Variants in RPS4X observed in about 807,000 individuals in gnomAD.
RPS4X encodes the protein small ribosomal subunit protein eS4, X isoform.
For synonymous variants in RPS4X, 76 were observed against 76.8 expected, an observed-to-expected ratio of 0.99 and a Z score of 0.06; for missense variants, 90 against 219.1, an observed-to-expected ratio of 0.41 and a Z score of 3.72.
At chrX:72,273,689 C>T (rs763165593) in intron 5 of RPS4X, 112 bp downstream of exon 5, 35 of 630,459 alleles carry the variant, frequency 5.6e-5, no homozygotes, top group Non-Finnish European at 8.3e-5. Context: ...TGGCTATAAA[C>T]ACACCTGGGC....
chrX:72,273,277 G>C lies in RPS4X; in HGVS notation c.645C>G (p.Gly215=), dbSNP rs1056866572. The stretch of plus-strand genomic sequence containing the variant: ...TGGAAAGTCGAGTGGCAAAGCTGTT[G>C]CCATTGGCATCTTTCACGTGAACCA... The part of the protein sequence containing the change: ...FDVVHVKDAN[G]NSFATRLSNI... Residue 215 remains glycine, a synonymous_variant, in exon 6 of 7, where the codon GGC becomes GGG. Coordinates refer to ENST00000316084, the MANE Select transcript of RPS4X (RefSeq NM_001007.5). 10 of 1,209,087 alleles carry C rather than the reference G, an allele frequency of 8.3e-6. No homozygotes were observed. Among genetic ancestry groups the C allele is most frequent in the Non-Finnish European group, 1.0e-5 (9 of 894,744 alleles).
At position 72,277,115 on chromosome X, in the gene RPS4X, C is replaced by G. The variant is rs185332881; in HGVS notation, c.3+78G>C. 2,116 of 1,147,081 alleles carry G rather than the reference C, an allele frequency of 1.8e-3. 34 individuals are homozygous for G. The African/African-American group carries it at 0.034, about 18-fold the overall frequency. 94.5% of individuals were successfully genotyped at this position (1,147,081 alleles called of 1,213,427 possible). On this transcript the variant is annotated intron_variant, in intron 1 of 6. Coordinates refer to ENST00000316084, the MANE Select transcript of RPS4X (RefSeq NM_001007.5). ...CTGCCCGGCCATCCCCAGTAGGAAT[C>G]CCGAAACCTCGGGCAGCCCCGGCCG...
chrX:72,275,014 C>T (rs774285502), intron 4 of RPS4X, 39 bp downstream of exon 4: 13 of 946,659 alleles, frequency 1.4e-5, no homozygotes, highest in African/African-American at 3.8e-5. Flanking sequence ...AACAAAGTAA[C>T]TATACTGAGT....
intron 5 of RPS4X, among the ~76,000 whole-genome samples, 185 bp downstream of exon 5, chrX:72,273,616 C>A (rs757839116): frequency 9.0e-6 from 1 of 111,575 alleles, no homozygotes; most frequent in East Asian, 2.8e-4. Context: ...ACAGTAAGAC[C>A]CTCCTCTATA....
At position 72,275,860 on chromosome X, in the gene RPS4X, T is replaced by G. The variant is rs758219702; in HGVS notation, c.82-136A>C. ...AACTTGGACTTTTACACAGGAGGTGTAAAAAGCATCCAAAACTATTTCATA... is the reference window on the plus strand; with the variant it reads ...AACTTGGACTTTTACACAGGAGGTGGAAAAAGCATCCAAAACTATTTCATA... On this transcript the variant is annotated intron_variant, in intron 2 of 6. Transcript: ENST00000316084. The G allele has an allele frequency of 5.1e-5, 27 of 533,787 alleles. No homozygotes were observed. In the East Asian group the frequency reaches 9.8e-4, roughly 19 times the overall value. 44.0% of individuals were successfully genotyped at this position (533,787 alleles called of 1,213,427 possible).
chrX:72,274,107 T>G, intron 4 of RPS4X, 135 bp from the exon 5 acceptor site: 1 of 560,959 alleles, frequency 1.8e-6, no homozygotes, highest in South Asian at 2.8e-5. Flanking sequence ...CAAGTGTATG[T>G]TGCATAAAGC....
intron 3 of RPS4X, 133 bp from the exon 4 acceptor site, chrX:72,275,283 A>G (rs2043198059): frequency 2.1e-6 from 1 of 475,756 alleles, no homozygotes. Flanking sequence ...AGGATTCTGA[A>G]GATTAAAGAT....
Position 72,277,190 on chromosome X carries a change from T to C in RPS4X, c.3+3A>G, listed in dbSNP as rs1216733062. On this transcript the variant is annotated splice_donor_region_variant and intron_variant, in intron 1 of 6. Coordinates refer to ENST00000316084, the MANE Select transcript of RPS4X (RefSeq NM_001007.5). ...CTAAGAGCTCGCTAACTAAACGGCT[T>C]ACCATGGCTGCGTTAGGCAAGGAAA... 8.3e-7 allele frequency: 1 copy of C among 1,210,983 alleles called. No individual in the cohort carries two copies. The highest frequency in any genetic ancestry group is 1.1e-6 in the Non-Finnish European group (1 of 894,948).
chrX:72,273,130 T>G, intron 6 of RPS4X, 102 bp downstream of exon 6: 2 of 796,129 alleles, frequency 2.5e-6, no homozygotes, highest in Non-Finnish European at 3.7e-6. Context: ...GGCTTTGCAC[T>G]AGGTTCAGCA....
chrX:72,272,831 C>T, intron 6 of RPS4X, 59 bp from the exon 7 acceptor site: 1 of 813,558 alleles, frequency 1.2e-6, no homozygotes, highest in Non-Finnish European at 1.8e-6. Flanking sequence ...AGTGGCTTGG[C>T]ACATGCTACA....
intron 4 of RPS4X, 184 bp from the exon 5 acceptor site, chrX:72,274,156 C>T (rs2043192310): frequency 4.5e-6 from 2 of 439,930 alleles, no homozygotes; most frequent in East Asian, 4.0e-5. Context: ...CACCATTGCC[C>T]TCCACTCCTC....
Position 72,275,139 on chromosome X carries a change from T to C in RPS4X, c.274A>G (p.Ile92Val). ...CGGAAATTCTCTCCCGTCTTGTCAA[T>C]GCTGATGACATCTGAAATCAAGCAG... ...YPAGFMDVIS[I>V]DKTGENFRLI... is the part of the protein sequence containing the mutation. Residue 92 changes from isoleucine (I) to valine (V), a missense_variant, in exon 4 of 7, where the codon ATT (isoleucine) becomes GTT (valine). Transcript: ENST00000316084. 8.4e-7 allele frequency: 1 copy of C among 1,193,521 alleles called. No individual in the cohort carries two copies. The highest frequency in any genetic ancestry group is 1.1e-6 in the Non-Finnish European group (1 of 879,681).
chrX:72,274,170 T>C lies in RPS4X; in HGVS notation c.361-198A>G, dbSNP rs944183159. 4.9e-5 allele frequency: 21 copies of C among 430,940 alleles called. No homozygotes were observed. The African/African-American group carries it at 5.0e-4, about 10-fold the overall frequency. The allele number at this position is 430,940 out of a possible 1,213,427, so 35.5% of individuals were successfully genotyped here. A position where few individuals can be genotyped will look rare whatever the true frequency, so the allele number is the denominator to read the frequency against. On this transcript the variant is annotated intron_variant, in intron 4 of 6. Transcript: ENST00000316084. ...CCACCATTGCCCTCCACTCCTCCAATGTAAATGCCACTCCAGTTTCCCAGG... is the reference window on the plus strand; with the variant it reads ...CCACCATTGCCCTCCACTCCTCCAACGTAAATGCCACTCCAGTTTCCCAGG...
Position 72,275,512 on chromosome X carries a change from T to C in RPS4X, c.262+32A>G, listed in dbSNP as rs771526463. On this transcript the variant is annotated intron_variant, in intron 3 of 6. Coordinates refer to ENST00000316084, the MANE Select transcript of RPS4X (RefSeq NM_001007.5). ...TTGGATACCATAGGGCTGCCATCAA[T>C]ATGCGTCTCCAGAGTATTTAAAACT... is the stretch of plus-strand genomic sequence containing the variant. 1.2e-4 allele frequency: 127 copies of C among 1,081,262 alleles called. No individual in the cohort carries two copies. The South Asian group carries it at 2.2e-3, about 19-fold the overall frequency. 89.1% of individuals were successfully genotyped at this position (1,081,262 alleles called of 1,213,427 possible). A position where few individuals can be genotyped will look rare whatever the true frequency, so the allele number is the denominator to read the frequency against.
At chrX:72,274,082 C>T (rs963657491) in intron 4 of RPS4X, 110 bp from the exon 5 acceptor site, 21 of 672,168 alleles carry the variant, frequency 3.1e-5, no homozygotes, top group African/African-American at 1.3e-4. Context: ...TGACGCTGAT[C>T]GTTCTTTCCA....
At chrX:72,274,028 C>T (rs1374188807) in intron 4 of RPS4X, 56 bp from the exon 5 acceptor site, 2 of 1,070,011 alleles carry the variant, frequency 1.9e-6, no homozygotes, top group Non-Finnish European at 2.6e-6. Context: ...ACTTTTTAAC[C>T]CTATACAGGA....
chrX:72,273,155 C>T (rs2043187366), intron 6 of RPS4X, 77 bp downstream of exon 6: 1 of 1,002,378 alleles, frequency 1.0e-6, no homozygotes, highest in East Asian at 3.1e-5. Context: ...CAGCCAGGAG[C>T]CTGGATGCTA....
rs1347261782 is a variant in RPS4X at position 72,272,683 on chromosome X, C to G, written c.780G>C (p.Gln260His). The G allele has an allele frequency of 8.3e-7, 1 of 1,204,069 alleles. No individual in the cohort carries two copies. Among genetic ancestry groups the G allele is most frequent in the Non-Finnish European group, 1.1e-6 (1 of 890,477 alleles). Residue 260 changes from glutamine (Q) to histidine (H), a missense_variant, in exon 7 of 7, where the codon CAG (glutamine) becomes CAC (histidine). Physicochemically the swap from Gln to His is conservative, Grantham distance 24. Coordinates refer to ENST00000316084, the MANE Select transcript of RPS4X (RefSeq NM_001007.5). ...EERDKRLAAKQSSG is the reference protein window; with the variant it reads ...EERDKRLAAKHSSG ...CCAGGGACCCATTTCACCCACTGCT[C>G]TGTTTGGCCGCCAGTCTTTTGTCTC...
chrX:72,277,234 G>T lies in RPS4X; in HGVS notation c.-39C>A. The T allele has an allele frequency of 8.3e-7, 1 of 1,205,627 alleles. No homozygotes were observed. The highest frequency in any genetic ancestry group is 1.1e-6 in the Non-Finnish European group (1 of 891,453). On this transcript the variant is annotated 5_prime_UTR_variant, in exon 1 of 7. Coordinates refer to ENST00000316084, the MANE Select transcript of RPS4X (RefSeq NM_001007.5). ...AAGGAAAGAGGACCTCCGTCTTCCG[G>T]TGCGCGTAGAAATTGGGGCTGGAGA...
Sources: gnomAD v4.1 joint callset for allele counts (sites outside exome capture counted in the v4.1 genomes callset) on GRCh38, gnomAD v4.1.1 for gene constraint, MANE v1.5 for transcripts, NCBI Gene and HGNC (gene_info 2026-07-23, HGNC 2026-07-21) for gene names.